MIA: variants seen among roughly 807,000 people sequenced by gnomAD.
MIA encodes MIA SH3 domain containing.
Under a neutral mutation model 18.5 loss-of-function variants are expected in MIA, and 18 were observed. The ratio of observed to expected loss-of-function variants is 0.97; its 90% CI spans 0.67 to 1.44. MIA has a LOEUF of 1.44. Among genes scored for constraint, MIA ranks in the 40% most tolerant of loss-of-function variants. The probability of loss-of-function intolerance (pLI) is 0.00; values close to 1 mark genes in which losing one functional copy is unlikely to be tolerated. For missense variants in MIA, 158 were observed against 172.4 expected (o/e 0.92, Z 0.47); for synonymous variants, 55 against 64.9 (o/e 0.85, Z 0.74).
intron 2 of MIA, among the ~76,000 whole-genome samples, 166 bp downstream of exon 2, chr19:40,776,051 G>C (rs560785620): frequency 7.0e-4 from 107 of 151,996 alleles, no homozygotes; most frequent in South Asian, 1.2e-3. Flanking sequence ...TTCCGAGACA[G>C]AGTCTTGCTC....
chr19:40,775,992 G>T, intron 2 of MIA, 107 bp downstream of exon 2: 26 of 1,347,622 alleles, frequency 1.9e-5, no homozygotes, highest in South Asian at 7.6e-5. Flanking sequence ...ACATTGTGGG[G>T]GGATATTGTT....
At chr19:40,776,739 T>A (rs1304888731) in intron 2 of MIA, 2 of 403,862 alleles carry the variant, frequency 5.0e-6, no homozygotes, top group East Asian at 9.6e-5. Context: ...GAGACCCTGT[T>A]TCCAAAATAA....
At chr19:40,776,287 A>G (rs928000569) in intron 2 of MIA, among the ~76,000 whole-genome samples, 2 of 152,024 alleles carry the variant, frequency 1.3e-5, no homozygotes, top group African/African-American at 4.8e-5. Context: ...GGCCTCCCGG[A>G]GTGCTGGGAT....
At chr19:40,775,965 G>T in intron 2 of MIA, 80 bp downstream of exon 2, 2 of 1,527,450 alleles carry the variant, frequency 1.3e-6, no homozygotes, top group Non-Finnish European at 1.8e-6. Context: ...AGATTTGAGG[G>T]GGGTGAACTG....
rs201734270 is a variant in MIA, at chr19:40,777,442, G to A, written c.*22G>A. 102 of 1,611,882 alleles carry A rather than the reference G, an allele frequency of 6.3e-5. No homozygotes were observed. Among genetic ancestry groups the A allele is most frequent in the Non-Finnish European group, 8.5e-5 (100 of 1,178,482 alleles). On this transcript the variant is annotated 3_prime_UTR_variant, in exon 4 of 4. Transcript: ENST00000263369. ...GTGAGCTCAGCCTACCGCTGGCCCT[G>A]CCGTTTCCCCTCCTTGGCTTTATGC... is the stretch of plus-strand genomic sequence containing the variant.
rs1423285081 is a variant in MIA, at chr19:40,776,988, G to A, written c.281G>A (p.Gly94Glu). 6.2e-7 allele frequency: 1 copy of A among 1,613,468 alleles called. No individual in the cohort carries two copies. The highest frequency in any genetic ancestry group is 8.5e-7 in the Non-Finnish European group (1 of 1,179,838). ...CCCCAGGTTCAGGGAGATTACTATGGAGATCTGGCTGCTCGCCTGGGCTAT... is the reference window on the plus strand; with the variant it reads ...CCCCAGGTTCAGGGAGATTACTATGAAGATCTGGCTGCTCGCCTGGGCTAT... ...WGGSVQGDYYGDLAARLGYFP... is the reference protein window; with the variant it reads ...WGGSVQGDYYEDLAARLGYFP... The change falls in exon 3 of 4, where the codon GGA becomes GAA. Residue 94 changes from glycine (G) to glutamate (E), a missense_variant. Coordinates refer to ENST00000263369, the MANE Select transcript of MIA (RefSeq NM_006533.4).
At chr19:40,776,801 C>T in intron 2 of MIA, 168 bp from the exon 3 acceptor site, 2 of 564,100 alleles carry the variant, frequency 3.5e-6, no homozygotes, top group African/African-American at 1.9e-5. Context: ...CAGAGACTTA[C>T]TTGGGTGTTC....
chr19:40,775,471 A>T, upstream of MIA: 1 of 1,606,874 alleles, frequency 6.2e-7, no homozygotes, highest in Non-Finnish European at 8.5e-7. Context: ...TCCTTGTACT[A>T]CGGGAGAGAG....
Position 40,777,476 on chromosome 19 carries a change from T to C in MIA, c.*56T>C. On this transcript the variant is annotated 3_prime_UTR_variant, in exon 4 of 4. Coordinates refer to ENST00000263369, the MANE Select transcript of MIA (RefSeq NM_006533.4). ...CCTCCTTGGCTTTATGCAAATACAA[T>C]CAGCCCAGTGCAAACGGCTCGTCTC... 6.7e-7 allele frequency: 1 copy of C among 1,489,040 alleles called. No individual in the cohort carries two copies. The highest frequency in any genetic ancestry group is 9.3e-7 in the Non-Finnish European group (1 of 1,077,458). The allele number at this position is 1,489,040 out of a possible 1,614,324, so 92.2% of individuals were successfully genotyped here.
Position 40,777,482 on chromosome 19 carries a change from C to G in MIA, c.*62C>G. 1 of 1,467,172 alleles carries G rather than the reference C, an allele frequency of 6.8e-7. No individual in the cohort carries two copies. Among genetic ancestry groups the G allele is most frequent in the Non-Finnish European group, 9.5e-7 (1 of 1,049,864 alleles). The allele number at this position is 1,467,172 out of a possible 1,614,324, so 90.9% of individuals were successfully genotyped here. On this transcript the variant is annotated 3_prime_UTR_variant, in exon 4 of 4. Transcript: ENST00000263369. ...TGGCTTTATGCAAATACAATCAGCC[C>G]AGTGCAAACGGCTCGTCTCCGTGGT...
chr19:40,776,075 G>A (rs896952136), intron 2 of MIA, among the ~76,000 whole-genome samples, 190 bp downstream of exon 2: 1 of 151,466 alleles, frequency 6.6e-6, no homozygotes, highest in African/African-American at 2.4e-5. Flanking sequence ...CACCCAGGCT[G>A]GAGTGCAATG....
At chr19:40,777,346 G>A in intron 3 of MIA, 51 bp from the exon 4 acceptor site, 5 of 1,606,628 alleles carry the variant, frequency 3.1e-6, no homozygotes, top group Non-Finnish European at 4.3e-6. Context: ...TAGATCCTTT[G>A]TGGTGTGACC....
rs143000023 is a variant in MIA at position 40,775,596 on chromosome 19, C to T, written c.54C>T (p.Ser18=). 5.5e-4 allele frequency: 884 copies of T among 1,614,148 alleles called. 4 individuals are homozygous for T. The highest frequency in any genetic ancestry group is 1.3e-3 in the Middle Eastern group (8 of 6,062). Residue 18 remains serine (S), a synonymous_variant, in exon 1 of 4, where the codon TCC becomes TCT. Transcript: ENST00000263369. Reference sequence around the variant, plus strand: ...TCATCATCTTGCTGTCTGCCTTCTCCGGACCTGGTGTCAGGGGTGGTCCTA... The same window carrying T: ...TCATCATCTTGCTGTCTGCCTTCTCTGGACCTGGTGTCAGGGGTGGTCCTA... ...LGVIILLSAF[S]GPGVRGGPMP... is the part of the protein sequence containing the mutation.
At chr19:40,776,578 A>T (rs777810637) in intron 2 of MIA, among the ~76,000 whole-genome samples, 2 of 151,380 alleles carry the variant, frequency 1.3e-5, no homozygotes, top group Admixed American at 6.6e-5. Context: ...CCATCTCTAT[A>T]AAAAAAAATT....
At chr19:40,775,173 TC>T (rs1163521950), upstream of MIA, 1 of 196,000 alleles carries the variant, frequency 5.1e-6, no homozygotes, top group Non-Finnish European at 1.1e-5. Flanking sequence ...TACAGGCTCC[TC>T]CGCTTCTGTG....
In MIA at chr19:40,777,193, G is replaced by A. The variant is rs2083003767; in HGVS notation, c.372+114G>A. 15 of 1,129,624 alleles carry A rather than the reference G, an allele frequency of 1.3e-5. No homozygotes were observed. The South Asian group carries it at 1.8e-4, about 13-fold the overall frequency. The allele number at this position is 1,129,624 out of a possible 1,614,324, so 70.0% of individuals were successfully genotyped here. On this transcript the variant is annotated intron_variant, in intron 3 of 3. Coordinates refer to ENST00000263369, the MANE Select transcript of MIA (RefSeq NM_006533.4). ...GGCAGCCTAGGTATGTGCGCTGGGA[G>A]AAATTCTTTCCCTGCCTCAATTTTC...
At chr19:40,775,999 T>C (rs2082993343) in intron 2 of MIA, 114 bp downstream of exon 2, 1 of 1,343,256 alleles carries the variant, frequency 7.4e-7, no homozygotes, top group Middle Eastern at 1.9e-4. Flanking sequence ...GGGGGGATAT[T>C]GTTACTTACT....
rs1438146650 is a variant in MIA at position 40,777,412 on chromosome 19, T to G, written c.388T>G (p.Cys130Gly). The G allele has an allele frequency of 6.2e-7, 1 of 1,613,662 alleles. No individual in the cohort carries two copies. Among genetic ancestry groups the G allele is most frequent in the African/African-American group, 1.3e-5 (1 of 74,908 alleles). The stretch of plus-strand genomic sequence containing the variant: ...TCTTTTTCAGAAATGGGATTTCTAC[T>G]GCCAGTGAGCTCAGCCTACCGCTGG... Reference protein sequence around the residue: ...DVKTDKWDFYCQ With the variant: ...DVKTDKWDFYGQ The change falls in exon 4 of 4, where the codon TGC becomes GGC. Residue 130 changes from cysteine to glycine, a missense_variant. Coordinates refer to ENST00000263369, the MANE Select transcript of MIA (RefSeq NM_006533.4).
At chr19:40,775,909 G>C (rs991241625) in intron 2 of MIA, 24 bp downstream of exon 2, 1 of 1,613,514 alleles carries the variant, frequency 6.2e-7, no homozygotes, top group Non-Finnish European at 8.5e-7. Context: ...GAGTGAAAGA[G>C]GGAAGGGTAC....
Sources: gnomAD v4.1 joint callset for allele counts (sites outside exome capture counted in the v4.1 genomes callset) on GRCh38, gnomAD v4.1.1 for gene constraint, MANE v1.5 for transcripts, NCBI Gene and HGNC (gene_info 2026-07-23, HGNC 2026-07-21) for gene names.